Variants in SIM2 observed in about 807,000 individuals in gnomAD.
The protein encoded by SIM2 is SIM bHLH transcription factor 2.
SIM2 carries 28 observed loss-of-function variants against 64.8 expected under a neutral mutation model. The ratio of observed to expected loss-of-function variants is 0.43; its 90% CI spans 0.32 to 0.59. The LOEUF is 0.59. SIM2 is among the 20% of genes least tolerant of loss of function. The pLI, the probability that SIM2 is intolerant of heterozygous loss-of-function variation, is 0.07. For missense variants in SIM2, 847 were observed against 871.4 expected (o/e 0.97, Z 0.35); for synonymous variants, 408 against 391.1 (o/e 1.04, Z -0.51).
intron 6 of SIM2, among the ~76,000 whole-genome samples, chr21:36,729,345 G>A (rs2088935497): frequency 6.6e-6 from 1 of 152,104 alleles, no homozygotes; most frequent in South Asian, 2.1e-4. Flanking sequence ...CCTGAGCCCC[G>A]AATGGCTCTG....
intron 3 of SIM2, among the ~76,000 whole-genome samples, chr21:36,717,690 G>T (rs566451204): frequency 6.6e-6 from 1 of 151,922 alleles, no homozygotes; most frequent in South Asian, 2.1e-4. Context: ...CAGGTGATCC[G>T]CCTGCCTCGG....
intron 3 of SIM2, among the ~76,000 whole-genome samples, chr21:36,717,550 C>T (rs1024674266): frequency 2.0e-5 from 3 of 151,002 alleles, no homozygotes; most frequent in African/African-American, 7.3e-5. Flanking sequence ...CGGGTTCAGA[C>T]GATTCTCCTG....
intron 7 of SIM2, among the ~76,000 whole-genome samples, chr21:36,737,177 T>G (rs146253639): frequency 6.6e-6 from 1 of 152,138 alleles, no homozygotes; most frequent in Non-Finnish European, 1.5e-5. Context: ...GATCCTCCCA[T>G]CTTGACCTCC....
At chr21:36,700,188 C>T (rs922949234) in intron 1 of SIM2, among the ~76,000 whole-genome samples, 9 of 152,344 alleles carry the variant, frequency 5.9e-5, no homozygotes, top group South Asian at 2.1e-4. Context: ...AGGCAGTCCC[C>T]CAGCCCGCAC....
At position 36,745,096 on chromosome 21, in the gene SIM2, G is replaced by A. The variant is rs148338000; in HGVS notation, c.1536G>A (p.Pro512=). The change falls in exon 10 of 11, where the codon CCG becomes CCA. Residue 512 remains proline (P), a synonymous_variant. Transcript: ENST00000290399. The surrounding 1 kb of genome is among the most constrained non-coding windows in gnomAD (Gnocchi z 4.8). The part of the protein sequence containing the change: ...SSPAKNPPEP[P]ANTARHSLVP... ...CAGCTAAAAATCCTCCAGAGCCACCGGCGAACACTGCTAGGCACAGCCTGG... is the reference window on the plus strand; with the variant it reads ...CAGCTAAAAATCCTCCAGAGCCACCAGCGAACACTGCTAGGCACAGCCTGG... 222 of 1,612,602 alleles carry A rather than the reference G, an allele frequency of 1.4e-4. No individual in the cohort carries two copies. In the Middle Eastern group the frequency reaches 3.5e-3, roughly 25 times the overall value.
At chr21:36,707,383 G>C (rs2088599484) in intron 1 of SIM2, among the ~76,000 whole-genome samples, 4 of 152,100 alleles carry the variant, frequency 2.6e-5, no homozygotes. Context: ...GTGGTGATGC[G>C]GGGTGAGCGC....
In SIM2 at chr21:36,726,253, G is replaced by A. The variant is rs1453135317; in HGVS notation, c.678G>A (p.Lys226=). Reference sequence around the variant, plus strand: ...CACCCAGTGCCATCACCGAGATCAAGCTGTACAGTAACATGTTCATGTTCA... The same window carrying A: ...CACCCAGTGCCATCACCGAGATCAAACTGTACAGTAACATGTTCATGTTCA... The part of the protein sequence containing the change: ...SLPPSAITEI[K]LYSNMFMFRA... The change falls in exon 6 of 11, where the codon AAG becomes AAA. Residue 226 remains lysine (K), a synonymous_variant. Transcript: ENST00000290399. This position sits in a 1 kb window ranked among gnomAD's most constrained non-coding sequence, Gnocchi z 4.5. 1.2e-6 allele frequency: 2 copies of A among 1,613,762 alleles called. No individual in the cohort carries two copies. The highest frequency in any genetic ancestry group is 2.2e-5 in the East Asian group (1 of 44,874).
chr21:36,745,226 G>A lies in SIM2; in HGVS notation c.1576+90G>A. ...TGGCGGTGGGTGGCAGATGGAGACA[G>A]AACCCTCACGCTTTGGGCAAACTTG... On this transcript the variant is annotated intron_variant, in intron 10 of 10. Transcript: ENST00000290399. The surrounding 1 kb of genome is among the most constrained non-coding windows in gnomAD (Gnocchi z 4.8). The A allele has an allele frequency of 6.7e-7, 1 of 1,498,496 alleles. No individual in the cohort carries two copies. The highest frequency in any genetic ancestry group is 8.9e-7 in the Non-Finnish European group (1 of 1,122,086). 92.8% of individuals were successfully genotyped at this position (1,498,496 alleles called of 1,614,324 possible).
Position 36,748,790 on chromosome 21 carries a change from A to G in SIM2, c.*698A>G, listed in dbSNP as rs2089275561. The G allele has an allele frequency of 6.6e-6, 1 of 152,632 alleles. No homozygotes were observed. Among genetic ancestry groups the G allele is most frequent in the Non-Finnish European group, 1.5e-5 (1 of 68,044 alleles). 9.5% of individuals were successfully genotyped at this position (152,632 alleles called of 1,614,324 possible). The stretch of plus-strand genomic sequence containing the variant: ...TCCCCCTAACCCCTATGAACTCTTG[A>G]TAACACCAAGAGTAGCACCTTCAGA... On this transcript the variant is annotated 3_prime_UTR_variant, in exon 11 of 11. Transcript: ENST00000290399.
intron 8 of SIM2, 27 bp from the exon 9 acceptor site, chr21:36,743,360 A>G: frequency 4.4e-6 from 7 of 1,595,282 alleles, no homozygotes; most frequent in Non-Finnish European, 6.0e-6. Context: ...CCTGCTGGAC[A>G]TGACTCGGCC....
chr21:36,741,955 C>T (rs2089167144), intron 8 of SIM2, 91 bp downstream of exon 8: 1 of 1,218,752 alleles, frequency 8.2e-7, no homozygotes, highest in South Asian at 1.7e-5. Context: ...CTCTTTCTCT[C>T]TTTCTCAAAC....
chr21:36,735,202 A>AC (rs1202033120), intron 7 of SIM2, among the ~76,000 whole-genome samples: 1 of 152,004 alleles, frequency 6.6e-6, no homozygotes, highest in East Asian at 1.9e-4. Flanking sequence ...TGCCTGGCTT[A>AC]CCCCCAACAT....
At position 36,719,936 on chromosome 21, in the gene SIM2, C is replaced by A; in HGVS notation, c.457+7C>A. 6.5e-7 allele frequency: 1 copy of A among 1,549,534 alleles called. No individual in the cohort carries two copies. The highest frequency in any genetic ancestry group is 8.9e-7 in the Non-Finnish European group (1 of 1,126,992). On this transcript the variant is annotated splice_region_variant and intron_variant, in intron 4 of 10. Transcript: ENST00000290399. ...CACCACCACCTGCTCCAAGGTATTC[C>A]ATCCAGAGGGAAAAAAAAAAACAGA...
At chr21:36,720,245 G>A in intron 4 of SIM2, 1 of 292,762 alleles carries the variant, frequency 3.4e-6, no homozygotes. Context: ...AGCATCACGG[G>A]TCTAGACCAA....
chr21:36,746,646 C>A (rs1332763474), intron 10 of SIM2, among the ~76,000 whole-genome samples: 1 of 152,194 alleles, frequency 6.6e-6, no homozygotes, highest in African/African-American at 2.4e-5. Context: ...AGGACCCCTG[C>A]CTTTTGACCT....
In SIM2 at chr21:36,726,454, C is replaced by A; in HGVS notation, c.743+136C>A. ...AATAGGAATGTGGATTAAGCAAAACCAATTTATGAACTGAAAGAACATATG... is the reference window on the plus strand; with the variant it reads ...AATAGGAATGTGGATTAAGCAAAACAAATTTATGAACTGAAAGAACATATG... On this transcript the variant is annotated intron_variant, in intron 6 of 10. Coordinates refer to ENST00000290399, the MANE Select transcript of SIM2 (RefSeq NM_005069.6). The surrounding 1 kb of genome is among the most constrained non-coding windows in gnomAD (Gnocchi z 4.5). 1.4e-6 allele frequency: 1 copy of A among 699,260 alleles called. No individual in the cohort carries two copies. Among genetic ancestry groups the A allele is most frequent in the Non-Finnish European group, 2.4e-6 (1 of 423,384 alleles). The allele number at this position is 699,260 out of a possible 1,614,324, so 43.3% of individuals were successfully genotyped here.
chr21:36,736,556 C>A (rs940111405), intron 7 of SIM2, among the ~76,000 whole-genome samples: 27 of 152,340 alleles, frequency 1.8e-4, no homozygotes, highest in Middle Eastern at 3.4e-3. Flanking sequence ...GCAGGGCCAG[C>A]AGCACAGGCT....
At position 36,743,602 on chromosome 21, in the gene SIM2, G is replaced by A. The variant is rs760821555; in HGVS notation, c.1167+47G>A. 1.0e-5 allele frequency: 16 copies of A among 1,570,006 alleles called. 1 individual carries two copies. Among genetic ancestry groups the A allele is most frequent in the Middle Eastern group, 1.7e-4 (1 of 5,878 alleles). The stretch of plus-strand genomic sequence containing the variant: ...TTTGGGGTGCTGACATCTATCCTAG[G>A]GGTTCGGGACACCTGGACACATTAA... On this transcript the variant is annotated intron_variant, in intron 9 of 10. Transcript: ENST00000290399.
At position 36,703,091 on chromosome 21, in the gene SIM2, C is replaced by T. The variant is rs375909958; in HGVS notation, c.175+3170C>T. 5.3e-5 allele frequency among the ~76,000 whole-genome samples: 8 copies of T among 152,302 alleles called. No individual in the cohort carries two copies. The South Asian group carries it at 6.2e-4, about 12-fold the overall frequency. On this transcript the variant is annotated intron_variant, in intron 1 of 10. Coordinates refer to ENST00000290399, the MANE Select transcript of SIM2 (RefSeq NM_005069.6). ...AATAGCAGGCCAGTTGCTGCCACTGCGGTCCTGTGGGGCATGTTCTCACTC... is the reference window on the plus strand; with the variant it reads ...AATAGCAGGCCAGTTGCTGCCACTGTGGTCCTGTGGGGCATGTTCTCACTC...
Sources: allele counts gnomAD v4.1 joint callset (sites outside exome capture counted in the v4.1 genomes callset), GRCh38; gene constraint gnomAD v4.1.1; non-coding constraint Gnocchi (gnomAD v3.1); transcripts MANE v1.5; gene names NCBI Gene and HGNC (gene_info 2026-07-23, HGNC 2026-07-21).